The following ZFHX3 variants were observed in gnomAD, a reference collection of about 807,000 sequenced individuals.
The protein encoded by ZFHX3 is zinc finger homeobox 3.
ZFHX3 carries 42 observed loss-of-function variants against 279.1 expected under a neutral mutation model. The ratio of observed to expected loss-of-function variants is 0.15; its 90% CI spans 0.12 to 0.19. ZFHX3 has a LOEUF of 0.19. ZFHX3 is among the 10% of genes least tolerant of loss of function. The pLI is 1.00. For missense variants in ZFHX3, 4,981 were observed against 4,754.0 expected, an observed-to-expected ratio of 1.05 and a Z score of -1.40; for synonymous variants, 2,293 against 1,957.8, an observed-to-expected ratio of 1.17 and a Z score of -4.52.
intron 1 of ZFHX3, among the ~76,000 whole-genome samples, chr16:73,759,783 G>A (rs2053844632): frequency 6.6e-6 from 1 of 151,906 alleles, no homozygotes; most frequent in African/African-American, 2.4e-5. Flanking sequence ...TTTTGTGAAT[G>A]AAGGAAGAAT....
intron 1 of ZFHX3, among the ~76,000 whole-genome samples, chr16:73,778,741 T>C (rs1049410348): frequency 2.6e-5 from 4 of 152,172 alleles, no homozygotes; most frequent in Admixed American, 2.6e-4. Context: ...TTTCTTCTGA[T>C]GAAAATACAA....
chr16:73,134,331 C>CTTTTTTTT (rs58052486), intron 6 of ZFHX3, among the ~76,000 whole-genome samples: 5 of 50,316 alleles, frequency 9.9e-5, no homozygotes, highest in African/African-American at 5.0e-4. Flanking sequence ...CTCCCCACCT[C>CTTTTTTTT]TTTTTTTTTT....
intron 3 of ZFHX3, among the ~76,000 whole-genome samples, chr16:73,408,333 G>A (rs140488460): frequency 3.9e-4 from 60 of 152,232 alleles, no homozygotes; most frequent in Middle Eastern, 3.4e-3. Flanking sequence ...AAATCAACTC[G>A]GACAAGCCAG....
Position 72,793,945 on chromosome 16 carries a change from C to G in ZFHX3, c.8737G>C (p.Asp2913His), listed in dbSNP as rs748400937. The change falls in exon 9 of 10, where the codon GAC becomes CAC. Residue 2913 changes from aspartate to histidine, a missense_variant. This residue lies in a region of ZFHX3 where 168 missense variants were observed against 249.1 expected (regional missense o/e 0.67). Transcript: ENST00000268489. This position sits in a 1 kb window ranked among gnomAD's most constrained non-coding sequence, Gnocchi z 4.3. ...GCAAGGCTTGAGGTTTCACTGTAGT[C>G]CACTGTACCTTCATTGTCATATTCC... ...SKEYDNEGTV[D>H]YSETSSLADP... 6.2e-7 allele frequency: 1 copy of G among 1,614,188 alleles called. No individual in the cohort carries two copies. Among genetic ancestry groups the G allele is most frequent in the Non-Finnish European group, 8.5e-7 (1 of 1,180,042 alleles).
upstream of ZFHX3, among the ~76,000 whole-genome samples, chr16:73,063,607 A>AC (rs911186829): frequency 3.1e-4 from 46 of 148,718 alleles, no homozygotes; most frequent in Admixed American, 1.8e-3. Context: ...AGTAAAAATC[A>AC]CCCCCCCTCC....
intron 3 of ZFHX3, among the ~76,000 whole-genome samples, chr16:73,440,419 G>A (rs1292627378): frequency 6.6e-6 from 1 of 152,182 alleles, no homozygotes; most frequent in East Asian, 1.9e-4. Flanking sequence ...ACACAAGACA[G>A]AAAAACTGTA....
chr16:73,517,163 C>T (rs978210540), intron 2 of ZFHX3, among the ~76,000 whole-genome samples: 2 of 152,148 alleles, frequency 1.3e-5, no homozygotes, highest in African/African-American at 4.8e-5. Context: ...CTCCAAAGCG[C>T]CGTAGTGACT....
At chr16:73,573,614 G>T (rs1407833008) in intron 2 of ZFHX3, among the ~76,000 whole-genome samples, 1 of 152,206 alleles carries the variant, frequency 6.6e-6, no homozygotes, top group East Asian at 1.9e-4. Context: ...CCACTGGCAG[G>T]TATCAAGTAA....
At chr16:73,810,820 T>G (rs968296730) in intron 1 of ZFHX3, among the ~76,000 whole-genome samples, 1 of 152,172 alleles carries the variant, frequency 6.6e-6, no homozygotes, top group African/African-American at 2.4e-5. Flanking sequence ...CTTGTCTATC[T>G]GTAAAAGGGG....
At position 72,788,444 on chromosome 16, in the gene ZFHX3, T is replaced by G. The variant is rs899251016; in HGVS notation, c.9832A>C (p.Thr3278Pro). ...TAATISAPLP[T>P]MEYAVDPAQL... Reference sequence around the variant, plus strand: ...GCAGGGTCTACCGCATACTCCATGGTGGGCAGCGGGGCTGAGATCGTGGCT... The same window carrying G: ...GCAGGGTCTACCGCATACTCCATGGGGGGCAGCGGGGCTGAGATCGTGGCT... Residue 3278 changes from threonine to proline, a missense_variant, in exon 10 of 10, where the codon ACC becomes CCC. Coordinates refer to ENST00000268489, the MANE Select transcript of ZFHX3 (RefSeq NM_006885.4). 3 of 1,614,176 alleles carry G rather than the reference T, an allele frequency of 1.9e-6. No individual in the cohort carries two copies. Among genetic ancestry groups the G allele is most frequent in the South Asian group, 1.1e-5 (1 of 91,082 alleles).
At chr16:73,013,491 T>C (rs934461978) in intron 1 of ZFHX3, among the ~76,000 whole-genome samples, 16 of 152,118 alleles carry the variant, frequency 1.1e-4, no homozygotes, top group Admixed American at 9.8e-4. Flanking sequence ...TTTTGCCATG[T>C]TGCCCAGGCT....
chr16:73,038,835 T>C (rs1965007297), intron 1 of ZFHX3, among the ~76,000 whole-genome samples: 1 of 151,718 alleles, frequency 6.6e-6, no homozygotes. Context: ...TGTCACTCTG[T>C]CACCCAGGCT....
At chr16:73,520,650 G>A (rs1000329670) in intron 2 of ZFHX3, among the ~76,000 whole-genome samples, 1 of 152,254 alleles carries the variant, frequency 6.6e-6, no homozygotes, top group African/African-American at 2.4e-5. Context: ...TGTCTAGCAA[G>A]CATACATAGT....
intron 1 of ZFHX3, among the ~76,000 whole-genome samples, chr16:73,724,776 T>C (rs1156825690): frequency 6.6e-6 from 1 of 152,170 alleles, no homozygotes; most frequent in African/African-American, 2.4e-5. Flanking sequence ...TAGTTGTAGT[T>C]GGAAAGCAAA....
intron 2 of ZFHX3, among the ~76,000 whole-genome samples, chr16:73,645,239 A>G (rs575729192): frequency 2.0e-5 from 3 of 152,312 alleles, no homozygotes; most frequent in African/African-American, 7.2e-5. Flanking sequence ...TTAAAGGACC[A>G]TCTTTTTAAA....
In ZFHX3 at chr16:73,521,218, G is replaced by C. The variant is rs150883932; in HGVS notation, c.-1546-64960C>G. ...CCCTATGTAGCAGATTTAGAGCTCA[G>C]ATGTTCAAAAGGTTCTGCCACTTTC... is the stretch of plus-strand genomic sequence containing the variant. On this transcript the variant is annotated intron_variant, in intron 2 of 17. Coordinates refer to the ZFHX3 transcript ENST00000641206. Among the ~76,000 whole-genome samples the C allele has an allele frequency of 1.1e-3, 175 of 152,256 alleles. 1 individual carries two copies. Among genetic ancestry groups the C allele is most frequent in the African/African-American group, 3.8e-3 (158 of 41,554 alleles).
intron 2 of ZFHX3, among the ~76,000 whole-genome samples, chr16:73,515,225 C>T (rs537107654): frequency 8.5e-5 from 13 of 152,288 alleles, no homozygotes; most frequent in Non-Finnish European, 1.3e-4. Flanking sequence ...CAAGTCTTCT[C>T]ATCTTTCTGT....
At chr16:73,849,583 C>A (rs1419351292) in intron 1 of ZFHX3, among the ~76,000 whole-genome samples, 2 of 152,138 alleles carry the variant, frequency 1.3e-5, no homozygotes, top group African/African-American at 4.8e-5. Context: ...TCCCAAGTTA[C>A]CAAAAGTTGT....
rs1158839652 is a variant in ZFHX3, at chr16:73,881,030, G to T, written c.-1608+10621C>A. 3.9e-5 allele frequency among the ~76,000 whole-genome samples: 6 copies of T among 152,244 alleles called. No individual in the cohort carries two copies. The East Asian group carries it at 9.7e-4, about 25-fold the overall frequency. ...GCATTGGGAAGGAACTGAATACAAAGTACTACATCCGCTCTTCAAATATGC... is the reference window on the plus strand; with the variant it reads ...GCATTGGGAAGGAACTGAATACAAATTACTACATCCGCTCTTCAAATATGC... On this transcript the variant is annotated intron_variant, in intron 1 of 17. Transcript: ENST00000641206.
Sources: allele counts gnomAD v4.1 joint callset (sites outside exome capture counted in the v4.1 genomes callset), GRCh38; gene constraint gnomAD v4.1.1; regional missense constraint gnomAD v4.1.1; non-coding constraint Gnocchi (gnomAD v3.1); transcripts MANE v1.5; gene names NCBI Gene and HGNC (gene_info 2026-07-23, HGNC 2026-07-21).